Variants in ABCB5 observed in about 807,000 individuals in gnomAD.
ABCB5 encodes the protein ATP binding cassette subfamily B member 5, also known as ATP-binding cassette sub-family B member 5.
ABCB5 carries 155 observed loss-of-function variants against 144.2 expected under a neutral mutation model. The ratio of observed to expected loss-of-function variants is 1.08; its 90% CI spans 0.94 to 1.23. The LOEUF is 1.23. Ranked by LOEUF, ABCB5 falls within the 50% of genes most tolerant of loss-of-function variation. The probability of loss-of-function intolerance (pLI) is 0.00; values close to 1 mark genes in which losing one functional copy is unlikely to be tolerated. For synonymous variants in ABCB5, 610 were observed against 528.6 expected, an observed-to-expected ratio of 1.15 and a Z score of -2.11; for missense variants, 1,830 against 1,520.8, an observed-to-expected ratio of 1.20 and a Z score of -3.38.
In ABCB5 at chr7:20,731,334, C is replaced by A. The variant is rs543990248; in HGVS notation, c.2867+2879C>A. Among the ~76,000 whole-genome samples the A allele has an allele frequency of 5.9e-4, 79 of 134,334 alleles. 1 individual carries two copies. Among genetic ancestry groups the A allele is most frequent in the African/African-American group, 2.2e-3 (77 of 34,324 alleles). 88.1% of individuals were successfully genotyped at this position (134,334 alleles called of 152,430 possible). A position where few individuals can be genotyped will look rare whatever the true frequency, so the allele number is the denominator to read the frequency against. The stretch of plus-strand genomic sequence containing the variant: ...CACCACTGCACTCCAGCCTGGGCAA[C>A]AGAGCAAGACTCCAACTCAGGAAAA... On this transcript the variant is annotated intron_variant, in intron 23 of 27. Transcript: ENST00000404938.
chr7:20,628,972 T>G, intron 4 of ABCB5, 134 bp downstream of exon 4: 1 of 1,030,200 alleles, frequency 9.7e-7, no homozygotes, highest in Non-Finnish European at 1.4e-6. Context: ...AGTCATTTAT[T>G]CTGCCATATT....
intron 5 of ABCB5, among the ~76,000 whole-genome samples, chr7:20,638,313 A>G (rs1025640253): frequency 6.6e-6 from 1 of 152,178 alleles, no homozygotes; most frequent in Non-Finnish European, 1.5e-5. Flanking sequence ...ATAGTGGTAC[A>G]TATATAATTT....
At position 20,623,141 on chromosome 7, in the gene ABCB5, G is replaced by C. The variant is rs897041906; in HGVS notation, c.-21-124G>C. ...TTCAATTGGAGTGGGGGGCTGGGCA[G>C]GGCGAAATTCTGAGATGCTTCCTTT... On this transcript the variant is annotated intron_variant, in intron 1 of 27. Transcript: ENST00000404938. 4.7e-6 allele frequency: 3 copies of C among 639,746 alleles called. No homozygotes were observed. In the South Asian group the frequency reaches 6.2e-5, roughly 13 times the overall value. The allele number at this position is 639,746 out of a possible 1,614,324, so 39.6% of individuals were successfully genotyped here.
At chr7:20,736,400 T>C (rs1782380548) in intron 23 of ABCB5, among the ~76,000 whole-genome samples, 1 of 152,086 alleles carries the variant, frequency 6.6e-6, no homozygotes. Context: ...GTATTTTTAG[T>C]AGAGATGGAG....
At chr7:20,727,427 T>C (rs1365585293) in intron 22 of ABCB5, among the ~76,000 whole-genome samples, 2 of 152,160 alleles carry the variant, frequency 1.3e-5, no homozygotes, top group Non-Finnish European at 2.9e-5. Flanking sequence ...TGAAATAACA[T>C]ACGCAAGAAA....
chr7:20,700,014 T>G (rs759560308), intron 18 of ABCB5, 44 bp from the exon 19 acceptor site: 1 of 1,604,304 alleles, frequency 6.2e-7, no homozygotes, highest in South Asian at 1.1e-5. Context: ...CAACTAAATG[T>G]TACAAAGGAA....
chr7:20,647,290 A>T (rs530518304), intron 9 of ABCB5: 121 of 1,242,898 alleles, frequency 9.7e-5, no homozygotes, highest in Non-Finnish European at 1.2e-4. Context: ...GATAATCAAA[A>T]GTTGTTCCTT....
intron 9 of ABCB5, 138 bp downstream of exon 9, chr7:20,646,276 G>A: frequency 6.0e-6 from 5 of 833,400 alleles, no homozygotes; most frequent in Non-Finnish European, 9.0e-6. Context: ...CAAATTATCT[G>A]TATACACCTT....
At chr7:20,732,802 A>G (rs1457800724) in intron 23 of ABCB5, among the ~76,000 whole-genome samples, 1 of 152,210 alleles carries the variant, frequency 6.6e-6, no homozygotes, top group Non-Finnish European at 1.5e-5. Flanking sequence ...TGTTTAGATT[A>G]AAGCTAAGAA....
At chr7:20,670,204 T>C (rs1785418280) in intron 14 of ABCB5, among the ~76,000 whole-genome samples, 1 of 151,752 alleles carries the variant, frequency 6.6e-6, no homozygotes, top group Non-Finnish European at 1.5e-5. Flanking sequence ...AGAACGTGAG[T>C]TGAAAATTAG....
In ABCB5 at chr7:20,658,634, G is replaced by C; in HGVS notation, c.1665G>C (p.Leu555=). The C allele has an allele frequency of 6.2e-7, 1 of 1,614,158 alleles. No individual in the cohort carries two copies. The highest frequency in any genetic ancestry group is 8.5e-7 in the Non-Finnish European group (1 of 1,180,012). ...ILILDEATSA[L]DSESKSAVQA... is the part of the protein sequence containing the mutation. ...TTTTAGATGAGGCTACGTCTGCCCTGGATTCAGAAAGCAAGTCAGCTGTTC... is the reference window on the plus strand; with the variant it reads ...TTTTAGATGAGGCTACGTCTGCCCTCGATTCAGAAAGCAAGTCAGCTGTTC... Residue 555 remains leucine (L), a synonymous_variant, in exon 14 of 28, where the codon CTG becomes CTC. Coordinates refer to ENST00000404938, the MANE Select transcript of ABCB5 (RefSeq NM_001163941.2).
Position 20,755,518 on chromosome 7 carries a change from T to C in ABCB5, c.3668T>C (p.Ile1223Thr). ...RLSAIQNADLIVVLHNGKIKE... is the reference protein window; with the variant it reads ...RLSAIQNADLTVVLHNGKIKE... ...TCTGCAATTCAGAACGCAGATTTGA[T>C]AGTGGTTCTGCACAATGGAAAGATA... The change falls in exon 28 of 28, where the codon ATA (isoleucine) becomes ACA (threonine). Residue 1223 changes from isoleucine (I) to threonine (T), a missense_variant. Coordinates refer to ENST00000404938, the MANE Select transcript of ABCB5 (RefSeq NM_001163941.2). 3 of 1,614,200 alleles carry C rather than the reference T, an allele frequency of 1.9e-6. No individual in the cohort carries two copies. Among genetic ancestry groups the C allele is most frequent in the Non-Finnish European group, 2.5e-6 (3 of 1,180,034 alleles).
chr7:20,717,065 C>T (rs909951322), intron 20 of ABCB5, among the ~76,000 whole-genome samples: 7 of 152,082 alleles, frequency 4.6e-5, no homozygotes, highest in African/African-American at 1.7e-4. Context: ...CTTGAGATGA[C>T]CCCGCACCAG....
At chr7:20,706,275 A>AT (rs1256968559) in intron 20 of ABCB5, among the ~76,000 whole-genome samples, 1 of 151,990 alleles carries the variant, frequency 6.6e-6, no homozygotes, top group African/African-American at 2.4e-5. Context: ...AAAATTTGCT[A>AT]TTTTTTCTTT....
intron 20 of ABCB5, among the ~76,000 whole-genome samples, chr7:20,720,078 G>A (rs532674579): frequency 1.3e-5 from 2 of 152,268 alleles, no homozygotes; most frequent in South Asian, 4.1e-4. Flanking sequence ...GATCTTTGGA[G>A]AAATGACTAA....
At position 20,755,617 on chromosome 7, in the gene ABCB5, T is replaced by C. The variant is rs1256555098; in HGVS notation, c.3767T>C (p.Val1256Ala). 6.2e-7 allele frequency: 1 copy of C among 1,613,996 alleles called. No individual in the cohort carries two copies. Among genetic ancestry groups the C allele is most frequent in the East Asian group, 2.2e-5 (1 of 44,880 alleles). The change falls in exon 28 of 28, where the codon GTG becomes GCG. Residue 1256 changes from valine to alanine, a missense_variant. By Grantham distance (64) the Val-to-Ala change is moderately conservative. Transcript: ENST00000404938. ...IYFKLVNAQSVQ is the reference protein window; with the variant it reads ...IYFKLVNAQSAQ Reference sequence around the variant, plus strand: ...TTTAAGTTAGTGAATGCACAGTCAGTGCAGTGATGCTGTTGAGGTAGCACA... The same window carrying C: ...TTTAAGTTAGTGAATGCACAGTCAGCGCAGTGATGCTGTTGAGGTAGCACA...
intron 20 of ABCB5, among the ~76,000 whole-genome samples, chr7:20,706,393 T>C (rs528030937): frequency 1.3e-5 from 2 of 152,332 alleles, no homozygotes; most frequent in East Asian, 1.9e-4. Flanking sequence ...GAGACATTTC[T>C]TTTAGCAGAT....
intron 1 of ABCB5, 56 bp from the exon 2 acceptor site, chr7:20,623,209 C>A (rs1371864003): frequency 3.9e-6 from 4 of 1,032,638 alleles, no homozygotes; most frequent in Admixed American, 2.1e-5. Flanking sequence ...TGCTGTATAT[C>A]AACTAAGTGA....
At chr7:20,721,618 C>A (rs1781871183) in intron 20 of ABCB5, among the ~76,000 whole-genome samples, 1 of 152,158 alleles carries the variant, frequency 6.6e-6, no homozygotes, top group Admixed American at 6.5e-5. Context: ...AAGCTTCATG[C>A]TCCAAAAAGC....
Sources: allele counts gnomAD v4.1 joint callset (sites outside exome capture counted in the v4.1 genomes callset), GRCh38; gene constraint gnomAD v4.1.1; transcripts MANE v1.5; gene names NCBI Gene and HGNC (gene_info 2026-07-23, HGNC 2026-07-21).